The following PCDH15 variants were observed in gnomAD, a reference collection of about 807,000 sequenced individuals.
PCDH15 encodes protocadherin-15.
Under a neutral mutation model 178.5 loss-of-function variants are expected in PCDH15, and 129 were observed. The ratio of observed to expected loss-of-function variants is 0.72; its 90% CI spans 0.63 to 0.84. The LOEUF is 0.84. Among genes scored for constraint, PCDH15 ranks in the 40% least tolerant of loss-of-function variants. The probability of loss-of-function intolerance (pLI) is 0.00; values close to 1 mark genes in which losing one functional copy is unlikely to be tolerated. For synonymous variants in PCDH15, 800 were observed against 732.0 expected (o/e 1.09, Z -1.50); for missense variants, 2,230 against 2,099.9 (o/e 1.06, Z -1.21).
At chr10:54,053,019 A>G (rs2093811555) in intron 18 of PCDH15, among the ~76,000 whole-genome samples, 1 of 152,136 alleles carries the variant, frequency 6.6e-6, no homozygotes, top group African/African-American at 2.4e-5. Context: ...AGGCCTTCCA[A>G]ACTATGTGGA....
chr10:54,437,715 T>G (rs562494161), intron 3 of PCDH15, among the ~76,000 whole-genome samples: 51 of 152,286 alleles, frequency 3.3e-4, no homozygotes. Flanking sequence ...ATTAGATTTT[T>G]GGGGAAGTAG....
At chr10:53,888,372 A>ATATT (rs1200382358) in intron 26 of PCDH15, among the ~76,000 whole-genome samples, 2 of 141,482 alleles carry the variant, frequency 1.4e-5, no homozygotes, top group Admixed American at 7.3e-5. Flanking sequence ...ATATATATAT[A>ATATT]TTCCATATCA....
intron 14 of PCDH15, among the ~76,000 whole-genome samples, chr10:54,141,451 T>G (rs907200507): frequency 6.6e-6 from 1 of 152,224 alleles, no homozygotes; most frequent in African/African-American, 2.4e-5. Context: ...AGAATAGAAG[T>G]GTTTAAATGA....
chr10:55,612,067 G>A (rs557313866), intron 2 of PCDH15, among the ~76,000 whole-genome samples: 2 of 152,102 alleles, frequency 1.3e-5, no homozygotes, highest in African/African-American at 4.8e-5. Flanking sequence ...ATGGTACAAG[G>A]TTCAGCTAGA....
Position 54,706,478 on chromosome 10 carries a change from T to C in PCDH15, c.-28-42188A>G, listed in dbSNP as rs16906418. Among the ~76,000 whole-genome samples the C allele has an allele frequency of 8.3e-3, 1,263 of 152,256 alleles. 35 individuals carry two copies. The East Asian group carries it at 0.098, about 12-fold the overall frequency. On this transcript the variant is annotated intron_variant, in intron 1 of 37. Transcript: ENST00000644397. ...GCAGAGATTATCCTAGTAGATAAAA[T>C]TCCTTAGATGGTATGGGATAGTAAT...
At chr10:55,328,292 G>C (rs1008368496) in intron 2 of PCDH15, among the ~76,000 whole-genome samples, 5 of 151,682 alleles carry the variant, frequency 3.3e-5, no homozygotes, top group Admixed American at 3.3e-4. Flanking sequence ...TCTGATAAAT[G>C]AGTCATTAGG....
intron 1 of PCDH15, among the ~76,000 whole-genome samples, chr10:54,732,340 A>G (rs1272043442): frequency 6.6e-6 from 1 of 151,404 alleles, no homozygotes; most frequent in Non-Finnish European, 1.5e-5. Context: ...CAAACTACCA[A>G]TATCCTTATG....
chr10:54,699,471 G>A (rs747048189), intron 1 of PCDH15, among the ~76,000 whole-genome samples: 3 of 152,008 alleles, frequency 2.0e-5, no homozygotes, highest in Non-Finnish European at 4.4e-5. Flanking sequence ...AAGGATTTCT[G>A]CATGTTTTCA....
chr10:54,667,792 A>C (rs1157276829), intron 1 of PCDH15, among the ~76,000 whole-genome samples: 1 of 152,088 alleles, frequency 6.6e-6, no homozygotes, highest in African/African-American at 2.4e-5. Context: ...CTATAAATAA[A>C]TATGTTATAC....
At chr10:55,577,887 C>G (rs1163131985) in intron 2 of PCDH15, among the ~76,000 whole-genome samples, 2 of 152,096 alleles carry the variant, frequency 1.3e-5, no homozygotes, top group East Asian at 3.9e-4. Context: ...TTTCTGAACC[C>G]TTCAGAAAGG....
intron 6 of PCDH15, among the ~76,000 whole-genome samples, chr10:54,342,003 A>C (rs1300715885): frequency 6.6e-6 from 1 of 152,222 alleles, no homozygotes. Context: ...ACATTATGTG[A>C]AACTGGAACT....
chr10:54,526,111 C>T (rs770808627), intron 3 of PCDH15, among the ~76,000 whole-genome samples: 2 of 152,146 alleles, frequency 1.3e-5, no homozygotes, highest in Non-Finnish European at 2.9e-5. Context: ...TTACCACCTG[C>T]TACTGTACAG....
intron 2 of PCDH15, among the ~76,000 whole-genome samples, chr10:55,045,129 A>G (rs1840966170): frequency 6.6e-6 from 1 of 151,868 alleles, no homozygotes; most frequent in Admixed American, 6.6e-5. Flanking sequence ...GTCTTACTAA[A>G]CTCTCTGATA....
At chr10:54,248,862 A>G (rs1184558622) in intron 8 of PCDH15, among the ~76,000 whole-genome samples, 2 of 152,086 alleles carry the variant, frequency 1.3e-5, no homozygotes, top group African/African-American at 4.8e-5. Flanking sequence ...GTGGGAAAAA[A>G]GAGTAACAAA....
intron 11 of PCDH15, among the ~76,000 whole-genome samples, chr10:54,193,817 A>G (rs2049284917): frequency 6.6e-6 from 1 of 152,096 alleles, no homozygotes; most frequent in Non-Finnish European, 1.5e-5. Flanking sequence ...TTTTCCATAA[A>G]CCTTGGCTTA....
At chr10:53,908,955 A>T (rs1334690066) in intron 25 of PCDH15, among the ~76,000 whole-genome samples, 1 of 152,162 alleles carries the variant, frequency 6.6e-6, no homozygotes, top group African/African-American at 2.4e-5. Context: ...TTCTTTTAAG[A>T]CAATTTTTGT....
chr10:55,263,075 C>A (rs1177527989), intron 1 of PCDH15, among the ~76,000 whole-genome samples: 1 of 152,054 alleles, frequency 6.6e-6, no homozygotes, highest in Non-Finnish European at 1.5e-5. Flanking sequence ...TTTCCTGTTT[C>A]GACTGGGTCT....
intron 2 of PCDH15, among the ~76,000 whole-genome samples, chr10:55,159,942 T>C (rs1386599555): frequency 1.3e-5 from 2 of 151,836 alleles, no homozygotes; most frequent in Admixed American, 6.6e-5. Flanking sequence ...TAAAACCATC[T>C]TATGTGCTTC....
intron 2 of PCDH15, among the ~76,000 whole-genome samples, chr10:55,054,239 C>T (rs1841237120): frequency 6.6e-6 from 1 of 152,146 alleles, no homozygotes; most frequent in South Asian, 2.1e-4. Context: ...TATGTGTTTT[C>T]ATCATTTAGC....
Sources: gnomAD v4.1 joint callset for allele counts (sites outside exome capture counted in the v4.1 genomes callset) on GRCh38, gnomAD v4.1.1 for gene constraint, MANE v1.5 for transcripts, NCBI Gene and HGNC (gene_info 2026-07-23, HGNC 2026-07-21) for gene names.